Variants in MTMR9 observed in about 807,000 individuals in gnomAD.
MTMR9 encodes myotubularin related protein 9, also known as myotubularin-related protein 9.
MTMR9 carries 39 observed loss-of-function variants against 69.5 expected under a neutral mutation model. That is an observed-to-expected ratio of 0.56 (90% CI 0.43 to 0.73). The LOEUF (loss-of-function observed/expected upper bound fraction) is 0.73, where lower values mean the gene tolerates loss of function less well. Among genes scored for constraint, MTMR9 ranks in the 30% least tolerant of loss-of-function variants. The probability of loss-of-function intolerance (pLI) is 0.00; values close to 1 mark genes in which losing one functional copy is unlikely to be tolerated. For synonymous variants in MTMR9, 354 were observed against 240.8 expected, an observed-to-expected ratio of 1.47 and a Z score of -4.35; for missense variants, 900 against 671.2, an observed-to-expected ratio of 1.34 and a Z score of -3.77.
At chr8:11,328,594 A>T (rs1801052099), downstream of MTMR9, among the ~76,000 whole-genome samples, 2 of 152,230 alleles carry the variant, frequency 1.3e-5, no homozygotes, top group Admixed American at 6.5e-5. Flanking sequence ...AAATGGAATT[A>T]AAAAGCCACT....
chr8:11,330,044 C>T (rs1318494261), downstream of MTMR9, among the ~76,000 whole-genome samples: 16 of 151,530 alleles, frequency 1.1e-4, no homozygotes, highest in East Asian at 3.9e-4. Flanking sequence ...GCCCGGCAGC[C>T]GCCCCGTCTG....
At chr8:11,289,486 G>C (rs1482056992) in intron 1 of MTMR9, among the ~76,000 whole-genome samples, 4 of 147,388 alleles carry the variant, frequency 2.7e-5, no homozygotes, top group African/African-American at 7.5e-5. Flanking sequence ...GTTATACCTG[G>C]TTTTTTTTTT....
downstream of MTMR9, among the ~76,000 whole-genome samples, chr8:11,329,254 C>G (rs1446129143): frequency 6.6e-6 from 1 of 152,194 alleles, no homozygotes; most frequent in African/African-American, 2.4e-5. Context: ...ATTAGCCAGG[C>G]ATGATGGTGC....
intron 1 of MTMR9, among the ~76,000 whole-genome samples, chr8:11,290,249 T>A (rs1190700494): frequency 2.7e-5 from 4 of 149,718 alleles, no homozygotes; most frequent in South Asian, 2.1e-4. Context: ...ATACTTAAAA[T>A]TTTTTTTTTT....
chr8:11,320,155 T>C, intron 9 of MTMR9: 1 of 229,652 alleles, frequency 4.4e-6, no homozygotes, highest in Non-Finnish European at 8.5e-6. Context: ...ATGAATAAAT[T>C]GTAAGCTCAT....
Position 11,291,037 on chromosome 8 carries a change from C to T in MTMR9, c.183-4157C>T, listed in dbSNP as rs968793002. On this transcript the variant is annotated intron_variant, in intron 1 of 9. Coordinates refer to ENST00000221086, the MANE Select transcript of MTMR9 (RefSeq NM_015458.4). ...GGTTTTAGAATCGTCCACTCAGCTT[C>T]CCCTAATGTTGACCTGTTTTATAAC... is the stretch of plus-strand genomic sequence containing the variant. 1.2e-4 allele frequency among the ~76,000 whole-genome samples: 18 copies of T among 152,038 alleles called. 1 individual carries two copies. The highest frequency in any genetic ancestry group is 4.6e-4 in the Admixed American group (7 of 15,264).
chr8:11,313,894 G>A (rs893278300), intron 6 of MTMR9, among the ~76,000 whole-genome samples: 1 of 152,218 alleles, frequency 6.6e-6, no homozygotes, highest in African/African-American at 2.4e-5. Flanking sequence ...AAAACATGCT[G>A]TTGGAAAATG....
downstream of MTMR9, among the ~76,000 whole-genome samples, chr8:11,330,067 C>A (rs572486467): frequency 6.6e-6 from 1 of 150,528 alleles, no homozygotes; most frequent in Non-Finnish European, 1.5e-5. Context: ...AAGTGAGGAG[C>A]GTCTCCGCCT....
In MTMR9 at chr8:11,316,798, T is replaced by C. The variant is rs940735241; in HGVS notation, c.1239T>C (p.Cys413=). The C allele has an allele frequency of 1.9e-6, 3 of 1,613,816 alleles. No individual in the cohort carries two copies. Among genetic ancestry groups the C allele is most frequent in the East Asian group, 4.5e-5 (2 of 44,858 alleles). The part of the protein sequence containing the change: ...CVWQILRQFP[C]SFEFNENFLI... Reference sequence around the variant, plus strand: ...GGCAGATCCTTCGTCAGTTTCCCTGTTCTTTTGAGTTTAATGAGAATTTCC... The same window carrying C: ...GGCAGATCCTTCGTCAGTTTCCCTGCTCTTTTGAGTTTAATGAGAATTTCC... Residue 413 remains cysteine, a synonymous_variant, in exon 8 of 10, where the codon TGT becomes TGC. Transcript: ENST00000221086.
intron 1 of MTMR9, among the ~76,000 whole-genome samples, chr8:11,288,454 G>C (rs4841518): frequency 0.57 from 85,631 of 150,010 alleles, 24,901 homozygotes; most frequent in East Asian, 0.89. Flanking sequence ...CCTTAGAAAG[G>C]ATTTCAGAGA....
At chr8:11,305,371 T>G (rs1267500543) in intron 4 of MTMR9, among the ~76,000 whole-genome samples, 1 of 152,242 alleles carries the variant, frequency 6.6e-6, no homozygotes, top group Non-Finnish European at 1.5e-5. Context: ...TGAATTTTTC[T>G]TAACAACTTT....
Position 11,323,787 on chromosome 8 carries a change from G to A in MTMR9, c.*999G>A, listed in dbSNP as rs1396419376. 4 of 152,032 alleles carry A rather than the reference G, an allele frequency of 2.6e-5. No individual in the cohort carries two copies. Among genetic ancestry groups the A allele is most frequent in the Admixed American group, 2.6e-4 (4 of 15,262 alleles). The allele number at this position is 152,032 out of a possible 1,614,324, so 9.4% of individuals were successfully genotyped here. Reference sequence around the variant, plus strand: ...ATACTAAGGTTAAAATTTTCATGTTGACCTGAGCCTTTTGCAAATTTGCTT... The same window carrying A: ...ATACTAAGGTTAAAATTTTCATGTTAACCTGAGCCTTTTGCAAATTTGCTT... On this transcript the variant is annotated 3_prime_UTR_variant, in exon 10 of 10. Transcript: ENST00000221086.
At chr8:11,331,672 C>T (rs1403009748), downstream of MTMR9, 1 of 1,612,140 alleles carries the variant, frequency 6.2e-7, no homozygotes, top group Non-Finnish European at 8.5e-7. Flanking sequence ...GGTGTCTACA[C>T]CACCCTGGGC....
rs984643048 is a variant in MTMR9, at chr8:11,323,664, C to G, written c.*876C>G. The G allele has an allele frequency of 6.6e-6, 1 of 152,146 alleles. No homozygotes were observed. The highest frequency in any genetic ancestry group is 1.5e-5 in the Non-Finnish European group (1 of 68,024). The allele number at this position is 152,146 out of a possible 1,614,324, so 9.4% of individuals were successfully genotyped here. A position where few individuals can be genotyped will look rare whatever the true frequency, so the allele number is the denominator to read the frequency against. On this transcript the variant is annotated 3_prime_UTR_variant, in exon 10 of 10. Coordinates refer to ENST00000221086, the MANE Select transcript of MTMR9 (RefSeq NM_015458.4). Reference sequence around the variant, plus strand: ...AATAGGTTTTCTTAAACCAGAGATGCACTGCCCTTGTCTAAAGTTCTTATT... The same window carrying G: ...AATAGGTTTTCTTAAACCAGAGATGGACTGCCCTTGTCTAAAGTTCTTATT...
rs35471543 is a variant in MTMR9 at position 11,298,720 on chromosome 8, A to ACGCC, written c.292-1302_292-1301insGCCC. 5.9e-5 allele frequency: 43 copies of ACGCC among 727,916 alleles called. 1 individual carries two copies. The East Asian group carries it at 1.0e-3, about 18-fold the overall frequency. 45.1% of individuals were successfully genotyped at this position (727,916 alleles called of 1,614,324 possible). ...TGATATGGTATCCTTTCCCCGCTGC[A>ACGCC]CCCCCCCCCCGCCATCCAGTATAGA... On this transcript the variant is annotated intron_variant, in intron 2 of 9. Coordinates refer to ENST00000221086, the MANE Select transcript of MTMR9 (RefSeq NM_015458.4).
At chr8:11,290,981 C>T (rs74396426) in intron 1 of MTMR9, among the ~76,000 whole-genome samples, 4,780 of 149,962 alleles carry the variant, frequency 0.032, 270 homozygotes, top group African/African-American at 0.11. Flanking sequence ...TAATTGAAGA[C>T]TCAAAGGCAG....
At chr8:11,310,923 A>G (rs1052890577) in intron 6 of MTMR9, among the ~76,000 whole-genome samples, 3 of 152,136 alleles carry the variant, frequency 2.0e-5, no homozygotes, top group Non-Finnish European at 4.4e-5. Context: ...TGAGCTGGCC[A>G]CCTCAAAGGC....
downstream of MTMR9, among the ~76,000 whole-genome samples, chr8:11,333,021 C>G (rs1028019505): frequency 6.6e-6 from 1 of 152,174 alleles, no homozygotes. Flanking sequence ...GACTTCAAGA[C>G]TTGTAGGATA....
chr8:11,293,302 G>A (rs979005702), intron 1 of MTMR9, among the ~76,000 whole-genome samples: 3 of 152,178 alleles, frequency 2.0e-5, no homozygotes, highest in Non-Finnish European at 4.4e-5. Context: ...AAATATTTTT[G>A]TACAGCTGTA....
Sources: allele counts gnomAD v4.1 joint callset (sites outside exome capture counted in the v4.1 genomes callset), GRCh38; gene constraint gnomAD v4.1.1; transcripts MANE v1.5; gene names NCBI Gene and HGNC (gene_info 2026-07-23, HGNC 2026-07-21).